The following CCNYL1 variants were observed in gnomAD, a reference collection of about 807,000 sequenced individuals.
CCNYL1 encodes cyclin-Y-like protein 1.
Under a neutral mutation model 44.2 loss-of-function variants are expected in CCNYL1, and 16 were observed. The ratio of observed to expected loss-of-function variants is 0.36; its 90% CI spans 0.25 to 0.55. The LOEUF is 0.55. CCNYL1 is among the 20% of genes least tolerant of loss of function. The pLI is 0.85. For synonymous variants in CCNYL1, 159 were observed against 163.2 expected (o/e 0.97, Z 0.20); for missense variants, 348 against 451.8 (o/e 0.77, Z 2.08).
At chr2:207,720,271 A>G (rs895286025) in intron 1 of CCNYL1, among the ~76,000 whole-genome samples, 1 of 151,994 alleles carries the variant, frequency 6.6e-6, no homozygotes, top group Non-Finnish European at 1.5e-5. Context: ...AATTTATAGA[A>G]TGACTCATGG....
At position 207,755,346 on chromosome 2, in the gene CCNYL1, C is replaced by T. The variant is rs1046577824; in HGVS notation, c.*1648C>T. The T allele has an allele frequency of 2.0e-5, 3 of 152,200 alleles. No individual in the cohort carries two copies. Among genetic ancestry groups the T allele is most frequent in the Admixed American group, 6.5e-5 (1 of 15,288 alleles). The allele number at this position is 152,200 out of a possible 1,614,324, so 9.4% of individuals were successfully genotyped here. The stretch of plus-strand genomic sequence containing the variant: ...AGTGGGCCATGATCATGTCACTGCT[C>T]TCCAACCTGGGCGACATCCAGACCC... On this transcript the variant is annotated 3_prime_UTR_variant, in exon 10 of 10. Coordinates refer to ENST00000295414, the MANE Select transcript of CCNYL1 (RefSeq NM_001330218.2).
At chr2:207,729,952 G>C (rs937045736) in intron 3 of CCNYL1, among the ~76,000 whole-genome samples, 11 of 151,854 alleles carry the variant, frequency 7.2e-5, no homozygotes, top group African/African-American at 2.7e-4. Context: ...CTGGCCTCAA[G>C]TTCACCCACC....
At chr2:207,753,477 C>T (rs970043104) in intron 9 of CCNYL1, 111 bp from the exon 10 acceptor site, 11 of 664,964 alleles carry the variant, frequency 1.7e-5, no homozygotes, top group African/African-American at 3.6e-5. Flanking sequence ...GTAGCTGTAA[C>T]TGTGAACTAT....
intron 1 of CCNYL1, among the ~76,000 whole-genome samples, chr2:207,712,695 C>T (rs1297883613): frequency 6.6e-6 from 1 of 152,096 alleles, no homozygotes; most frequent in African/African-American, 2.4e-5. Flanking sequence ...TAGGTTAAGT[C>T]GGCGTGAAAG....
At chr2:207,753,225 CA>C (rs2091907518) in intron 9 of CCNYL1, among the ~76,000 whole-genome samples, 5 of 152,058 alleles carry the variant, frequency 3.3e-5, no homozygotes, top group Admixed American at 2.6e-4. Context: ...GCTGAATAAA[CA>C]TTTTTTTGCA....
intron 7 of CCNYL1, among the ~76,000 whole-genome samples, chr2:207,743,789 C>G (rs1275233042): frequency 1.3e-5 from 2 of 151,920 alleles, no homozygotes; most frequent in East Asian, 1.9e-4. Flanking sequence ...GGTGCCTACT[C>G]TGTGCCACTA....
In CCNYL1 at chr2:207,716,459, A is replaced by T. The variant is rs545415587; in HGVS notation, c.220+4343A>T. Among the ~76,000 whole-genome samples, 13 of 152,150 alleles carry T rather than the reference A, an allele frequency of 8.5e-5. No individual in the cohort carries two copies. The South Asian group carries it at 2.5e-3, about 29-fold the overall frequency. On this transcript the variant is annotated intron_variant, in intron 1 of 9. Coordinates refer to ENST00000295414, the MANE Select transcript of CCNYL1 (RefSeq NM_001330218.2). ...TAACATTTTATTTTAGAAAAATGAGATCATTCTATATGAGCTGCTTCATAA... is the reference window on the plus strand; with the variant it reads ...TAACATTTTATTTTAGAAAAATGAGTTCATTCTATATGAGCTGCTTCATAA...
At chr2:207,738,698 T>C (rs1575218722) in intron 5 of CCNYL1, among the ~76,000 whole-genome samples, 1 of 146,074 alleles carries the variant, frequency 6.8e-6, no homozygotes, top group Non-Finnish European at 1.5e-5. Context: ...ATGGAAAATA[T>C]TGGTTCACAT....
chr2:207,733,815 T>C lies in CCNYL1; in HGVS notation c.331-132T>C, dbSNP rs978189774. 2.6e-5 allele frequency: 16 copies of C among 616,306 alleles called. No homozygotes were observed. In the African/African-American group the frequency reaches 3.0e-4, roughly 11 times the overall value. The allele number at this position is 616,306 out of a possible 1,614,324, so 38.2% of individuals were successfully genotyped here. ...TTTCCCATAGAGCTGCACATGATAC[T>C]ACACTCAGGCAGTTCATGGAGTGTA... On this transcript the variant is annotated intron_variant, in intron 3 of 9. Transcript: ENST00000295414.
At position 207,723,779 on chromosome 2, in the gene CCNYL1, G is replaced by A. The variant is rs1173120232; in HGVS notation, c.221-1021G>A. On this transcript the variant is annotated intron_variant, in intron 1 of 9. Coordinates refer to ENST00000295414, the MANE Select transcript of CCNYL1 (RefSeq NM_001330218.2). ...AATCCCAGCTATTTGGGATACTGAG[G>A]CAGGAGAATTGCTTGAATCCTGGAG... Among the ~76,000 whole-genome samples, 3 of 150,794 alleles carry A rather than the reference G, an allele frequency of 2.0e-5. No individual in the cohort carries two copies. The Admixed American group carries it at 2.0e-4, about 10-fold the overall frequency.
intron 5 of CCNYL1, among the ~76,000 whole-genome samples, chr2:207,739,940 TC>T (rs1489280765): frequency 6.6e-6 from 1 of 152,074 alleles, no homozygotes; most frequent in Non-Finnish European, 1.5e-5. Flanking sequence ...ACCTTAGTAT[TC>T]TTTTTTTTTA....
Position 207,733,998 on chromosome 2 carries a change from C to A in CCNYL1, c.382C>A (p.Leu128Ile), listed in dbSNP as rs991258302. Reference protein sequence around the residue: ...KKYSSCSTIFLDDSTVSQPNL... With the variant: ...KKYSSCSTIFIDDSTVSQPNL... ...GTATAGCTCATGCTCAACAATATTT[C>A]TAGATGACAGCACAGTCAGCCAGCC... Residue 128 changes from leucine to isoleucine, a missense_variant, in exon 4 of 10, where the codon CTA becomes ATA. Physicochemically the swap from Leu to Ile is conservative, Grantham distance 5. This residue lies in a region of CCNYL1 where 209 missense variants were observed against 247.7 expected (regional missense o/e 0.84). Transcript: ENST00000295414. The A allele has an allele frequency of 6.2e-7, 1 of 1,613,770 alleles. No individual in the cohort carries two copies. The highest frequency in any genetic ancestry group is 8.5e-7 in the Non-Finnish European group (1 of 1,179,726).
chr2:207,752,812 G>GGCA lies in CCNYL1; in HGVS notation c.970-775_970-774insCAG, dbSNP rs1575226786. 3.6e-5 allele frequency among the ~76,000 whole-genome samples: 4 copies of GGCA among 111,320 alleles called. No homozygotes were observed. In the East Asian group the frequency reaches 1.6e-3, roughly 44 times the overall value. 73.0% of individuals were successfully genotyped at this position (111,320 alleles called of 152,430 possible). On this transcript the variant is annotated intron_variant, in intron 9 of 9. Transcript: ENST00000295414. ...AGCACTTTGGGAGGCCGAGGCAGGCGGGATCACCTGAGGTCAGGAGTTTGA... is the reference window on the plus strand; with the variant it reads ...AGCACTTTGGGAGGCCGAGGCAGGCGGCAGGATCACCTGAGGTCAGGAGTTTGA...
intron 1 of CCNYL1, among the ~76,000 whole-genome samples, chr2:207,721,734 G>GTT (rs59024332): frequency 1.9e-4 from 27 of 141,142 alleles, no homozygotes; most frequent in Non-Finnish European, 2.5e-4. Context: ...GGAGTTTTTT[G>GTT]TTTTTTTTTT....
intron 3 of CCNYL1, among the ~76,000 whole-genome samples, chr2:207,727,403 A>G (rs1018112558): frequency 5.9e-5 from 9 of 152,026 alleles, no homozygotes; most frequent in African/African-American, 1.7e-4. Context: ...CTCCTTGTAC[A>G]TCCTTTGTTT....
rs1163387052 is a variant in CCNYL1 at position 207,741,817 on chromosome 2, G to T, written c.520-406G>T. Among the ~76,000 whole-genome samples the T allele has an allele frequency of 4.7e-5, 7 of 150,126 alleles. No individual in the cohort carries two copies. In the East Asian group the frequency reaches 1.2e-3, roughly 25 times the overall value. ...GCCGAGATTGTGCCACTGCATTCCA[G>T]CCTGGGCGACAGAGCAAGACTGGGT... On this transcript the variant is annotated intron_variant, in intron 6 of 9. Transcript: ENST00000295414.
intron 1 of CCNYL1, among the ~76,000 whole-genome samples, chr2:207,717,160 T>C (rs1320116026): frequency 6.6e-6 from 1 of 152,140 alleles, no homozygotes; most frequent in Admixed American, 6.6e-5. Context: ...AGCATTGACT[T>C]TTCCCTGGAC....
rs370087072 is a variant in CCNYL1, at chr2:207,715,145, G to T, written c.220+3029G>T. 2.9e-4 allele frequency among the ~76,000 whole-genome samples: 44 copies of T among 152,166 alleles called. No homozygotes were observed. In the East Asian group the frequency reaches 8.4e-3, roughly 29 times the overall value. Reference sequence around the variant, plus strand: ...TAGCTGGGTGTGGTGGCGGGCATCTGTAATCCCAGCTACTCAGGAGGCTAA... The same window carrying T: ...TAGCTGGGTGTGGTGGCGGGCATCTTTAATCCCAGCTACTCAGGAGGCTAA... On this transcript the variant is annotated intron_variant, in intron 1 of 9. Coordinates refer to ENST00000295414, the MANE Select transcript of CCNYL1 (RefSeq NM_001330218.2).
Position 207,717,906 on chromosome 2 carries a change from CT to C in CCNYL1, c.220+5805del, listed in dbSNP as rs5838085. 3.0e-4 allele frequency among the ~76,000 whole-genome samples: 42 copies of C among 138,874 alleles called. 1 individual carries two copies. Among genetic ancestry groups the C allele is most frequent in the African/African-American group, 4.5e-4 (17 of 37,648 alleles). The allele number at this position is 138,874 out of a possible 152,430, so 91.1% of individuals were successfully genotyped here. A position where few individuals can be genotyped will look rare whatever the true frequency, so the allele number is the denominator to read the frequency against. Reference sequence around the variant, plus strand: ...TATAGCCTGGGAAATATTTTTAATTCTTTTTTTTTTTTTTTGAGATGGAATC... The same window carrying C: ...TATAGCCTGGGAAATATTTTTAATTCTTTTTTTTTTTTTTGAGATGGAATC... On this transcript the variant is annotated intron_variant, in intron 1 of 9. Coordinates refer to ENST00000295414, the MANE Select transcript of CCNYL1 (RefSeq NM_001330218.2).
Sources: gnomAD v4.1 joint callset for allele counts (sites outside exome capture counted in the v4.1 genomes callset) on GRCh38, gnomAD v4.1.1 for gene constraint, gnomAD v4.1.1 regional missense constraint, MANE v1.5 for transcripts, NCBI Gene and HGNC (gene_info 2026-07-23, HGNC 2026-07-21) for gene names.